The following MAP4K3 variants were observed in gnomAD, a reference collection of about 807,000 sequenced individuals.
The protein encoded by MAP4K3 is MAPK/ERK kinase kinase kinase 3.
In MAP4K3, 94 loss-of-function variants were observed where a neutral mutation model predicts 143.5. That is an observed-to-expected ratio of 0.65 (90% confidence interval 0.55 to 0.78). The LOEUF (loss-of-function observed/expected upper bound fraction) is 0.78, where lower values mean the gene tolerates loss of function less well. Ranked by LOEUF, MAP4K3 falls within the 30% of genes least tolerant of loss-of-function variation. MAP4K3 has a pLI of 0.00. For missense variants in MAP4K3, 1,077 were observed against 1,068.1 expected (o/e 1.01, Z -0.12); for synonymous variants, 416 against 347.2 (o/e 1.20, Z -2.20).
chr2:39,368,281 A>C (rs1665980632), intron 2 of MAP4K3, among the ~76,000 whole-genome samples: 1 of 152,210 alleles, frequency 6.6e-6, no homozygotes, highest in South Asian at 2.1e-4. Flanking sequence ...AAAATAGAGC[A>C]CGGTGTAGAT....
intron 13 of MAP4K3, among the ~76,000 whole-genome samples, chr2:39,312,091 A>C (rs901221044): frequency 2.0e-5 from 3 of 152,206 alleles, no homozygotes; most frequent in African/African-American, 7.2e-5. Context: ...GATTTAAAAA[A>C]TGTTTACTGT....
At chr2:39,436,584 C>T (rs1665488494) in intron 1 of MAP4K3, 1 of 373,332 alleles carries the variant, frequency 2.7e-6, no homozygotes, top group African/African-American at 2.2e-5. Flanking sequence ...CCCAGACCTT[C>T]TCTGCACTAT....
intron 23 of MAP4K3, 43 bp from the exon 24 acceptor site, chr2:39,278,529 T>C (rs1681374687): frequency 9.5e-7 from 1 of 1,055,266 alleles, no homozygotes; most frequent in Non-Finnish European, 1.4e-6. Context: ...GTAAATAAAA[T>C]ATTTTTAAAT....
intron 29 of MAP4K3, 46 bp downstream of exon 29, chr2:39,260,560 A>G: frequency 6.6e-7 from 1 of 1,525,874 alleles, no homozygotes; most frequent in Non-Finnish European, 9.0e-7. Flanking sequence ...CTACTTATAA[A>G]ACCAGTATAT....
At chr2:39,290,247 G>T in intron 19 of MAP4K3, 45 bp downstream of exon 19, 1 of 1,444,316 alleles carries the variant, frequency 6.9e-7, no homozygotes, top group Non-Finnish European at 9.5e-7. Context: ...TAAATTGGCA[G>T]AACAATAACA....
chr2:39,340,805 T>C (rs995049447), intron 4 of MAP4K3, among the ~76,000 whole-genome samples: 6 of 152,068 alleles, frequency 3.9e-5, no homozygotes, highest in African/African-American at 1.4e-4. Flanking sequence ...CATGAAAATA[T>C]ATGGTAACCA....
chr2:39,253,967 G>A (rs1389622224), intron 32 of MAP4K3, among the ~76,000 whole-genome samples: 2 of 152,144 alleles, frequency 1.3e-5, no homozygotes, highest in South Asian at 4.1e-4. Context: ...AGGTAAAGGG[G>A]GCAAAGAATT....
intron 4 of MAP4K3, among the ~76,000 whole-genome samples, chr2:39,338,477 G>T (rs1399300595): frequency 6.6e-6 from 1 of 151,992 alleles, no homozygotes; most frequent in East Asian, 1.9e-4. Context: ...CCAATAGTTT[G>T]GTCTATAACC....
At chr2:39,315,466 G>A in intron 12 of MAP4K3, 78 bp from the exon 13 acceptor site, 7 of 926,274 alleles carry the variant, frequency 7.6e-6, no homozygotes, top group African/African-American at 3.4e-5. Flanking sequence ...ACCCAAATAG[G>A]AAAAAATACT....
intron 21 of MAP4K3, 50 bp downstream of exon 21, chr2:39,286,802 A>T (rs1350009990): frequency 8.5e-7 from 1 of 1,176,508 alleles, no homozygotes; most frequent in African/African-American, 1.5e-5. Context: ...CTAACTTAAC[A>T]GTTAAAAAGG....
intron 12 of MAP4K3, among the ~76,000 whole-genome samples, chr2:39,321,207 G>T (rs1683288873): frequency 6.6e-6 from 1 of 152,122 alleles, no homozygotes; most frequent in South Asian, 2.1e-4. Context: ...TGTGTAGAAA[G>T]AAGTAGACAT....
intron 3 of MAP4K3, among the ~76,000 whole-genome samples, chr2:39,346,222 T>C (rs911539515): frequency 1.3e-5 from 2 of 152,178 alleles, no homozygotes; most frequent in African/African-American, 4.8e-5. Flanking sequence ...GATCACTGTA[T>C]TTCTATTAAG....
chr2:39,412,234 C>T (rs150229650), intron 1 of MAP4K3, among the ~76,000 whole-genome samples: 2,496 of 152,314 alleles, frequency 0.016, 30 homozygotes, highest in Non-Finnish European at 0.022. Flanking sequence ...AAAAAGACCA[C>T]CAAATTGGAT....
chr2:39,436,653 G>T lies in MAP4K3; in HGVS notation c.96+239C>A, dbSNP rs143651850. ...TTCCCTGGAAATGCGCGCAAGAAGG[G>T]AGGTGGCAAAAATCATGTCCACCGG... On this transcript the variant is annotated intron_variant, in intron 1 of 33. Coordinates refer to ENST00000263881, the MANE Select transcript of MAP4K3 (RefSeq NM_003618.4). 6 of 547,394 alleles carry T rather than the reference G, an allele frequency of 1.1e-5. No individual in the cohort carries two copies. In the African/African-American group the frequency reaches 1.2e-4, roughly 11 times the overall value. The allele number at this position is 547,394 out of a possible 1,614,324, so 33.9% of individuals were successfully genotyped here.
Position 39,288,183 on chromosome 2 carries a change from G to A in MAP4K3, c.1412C>T (p.Pro471Leu). 3 of 1,614,104 alleles carry A rather than the reference G, an allele frequency of 1.9e-6. No individual in the cohort carries two copies. The highest frequency in any genetic ancestry group is 2.5e-6 in the Non-Finnish European group (3 of 1,180,002). ...TGGTGGTCTAGGTGGAACTTGGGAT[G>A]GCTTTGCTGGGCTCCCTGACATGGG... ...RCPMSGSPAKPSQVPPRPPPP... is the reference protein window; with the variant it reads ...RCPMSGSPAKLSQVPPRPPPP... The change falls in exon 20 of 34, where the codon CCA (proline) becomes CTA (leucine). Residue 471 changes from proline to leucine, a missense_variant. By Grantham distance (98) the Pro-to-Leu change is moderately conservative. Transcript: ENST00000263881.
chr2:39,282,159 C>T (rs1023158343), intron 22 of MAP4K3, among the ~76,000 whole-genome samples: 1 of 149,764 alleles, frequency 6.7e-6, no homozygotes, highest in Non-Finnish European at 1.5e-5. Flanking sequence ...TATGCCACTG[C>T]ACTCTAGCCT....
intron 17 of MAP4K3, 31 bp from the exon 18 acceptor site, chr2:39,292,857 A>C: frequency 1.3e-6 from 2 of 1,576,562 alleles, no homozygotes; most frequent in Non-Finnish European, 1.7e-6. Flanking sequence ...CATTGTTATT[A>C]AATGGATTTT....
At chr2:39,274,169 T>C (rs959630790) in intron 24 of MAP4K3, among the ~76,000 whole-genome samples, 2 of 152,000 alleles carry the variant, frequency 1.3e-5, no homozygotes, top group East Asian at 3.9e-4. Flanking sequence ...GGTATTTATG[T>C]ATAGTTTTAT....
chr2:39,400,611 T>G (rs1666929277), intron 1 of MAP4K3, among the ~76,000 whole-genome samples: 1 of 152,068 alleles, frequency 6.6e-6, no homozygotes, highest in South Asian at 2.1e-4. Flanking sequence ...TTTAATTCCT[T>G]GGTGTTCATA....
Sources: allele counts gnomAD v4.1 joint callset (sites outside exome capture counted in the v4.1 genomes callset), GRCh38; gene constraint gnomAD v4.1.1; transcripts MANE v1.5; gene names NCBI Gene and HGNC (gene_info 2026-07-23, HGNC 2026-07-21).